The following THSD7A variants were observed in gnomAD, a reference collection of about 807,000 sequenced individuals.
THSD7A encodes the protein thrombospondin type 1 domain containing 7A.
A neutral mutation model predicts 231.3 loss-of-function variants in THSD7A; 96 were observed. The ratio of observed to expected loss-of-function variants is 0.41; its 90% confidence interval spans 0.35 to 0.49. The LOEUF is 0.49. Among genes scored for constraint, THSD7A ranks in the 20% least tolerant of loss-of-function variants. The pLI, the probability that THSD7A is intolerant of heterozygous loss-of-function variation, is 0.05. For missense variants in THSD7A, 2,290 were observed against 2,070.2 expected, an observed-to-expected ratio of 1.11 and a Z score of -2.06; for synonymous variants, 940 against 743.3, an observed-to-expected ratio of 1.26 and a Z score of -4.30.
At chr7:11,476,364 A>AT (rs1203358754) in intron 7 of THSD7A, among the ~76,000 whole-genome samples, 3 of 133,750 alleles carry the variant, frequency 2.2e-5, no homozygotes, top group African/African-American at 8.4e-5. Flanking sequence ...CACACACACC[A>AT]TTTTTTTAAG....
intron 23 of THSD7A, among the ~76,000 whole-genome samples, chr7:11,391,248 A>G (rs566887932): frequency 1.8e-3 from 277 of 152,302 alleles, no homozygotes; most frequent in African/African-American, 6.5e-3. Context: ...AGTTTTATCT[A>G]TTAGCCCCTG....
intron 2 of THSD7A, among the ~76,000 whole-genome samples, chr7:11,633,308 T>C (rs1321614400): frequency 1.3e-5 from 2 of 152,166 alleles, no homozygotes; most frequent in Non-Finnish European, 2.9e-5. Context: ...TGTGTCCTAG[T>C]GTATGTGTAG....
intron 1 of THSD7A, among the ~76,000 whole-genome samples, chr7:11,643,512 A>G (rs771918919): frequency 1.2e-4 from 18 of 151,924 alleles, no homozygotes; most frequent in Admixed American, 7.2e-4. Context: ...GAAATTTTGG[A>G]TTGTGCTACC....
At chr7:11,483,132 T>C (rs1302692998) in intron 6 of THSD7A, among the ~76,000 whole-genome samples, 1 of 152,184 alleles carries the variant, frequency 6.6e-6, no homozygotes, top group Non-Finnish European at 1.5e-5. Flanking sequence ...TGACTCACCT[T>C]GCCATTCCTT....
At chr7:11,652,978 T>C (rs1186319714) in intron 1 of THSD7A, among the ~76,000 whole-genome samples, 1 of 152,024 alleles carries the variant, frequency 6.6e-6, no homozygotes, top group East Asian at 1.9e-4. Flanking sequence ...AAAAAGCGAA[T>C]TGAGGAATAG....
At chr7:11,651,486 A>ACTATCTATCAACTATCTATCTAT (rs373522018) in intron 1 of THSD7A, among the ~76,000 whole-genome samples, 134 of 149,776 alleles carry the variant, frequency 8.9e-4, no homozygotes, top group African/African-American at 3.1e-3. Flanking sequence ...CTATCTATCA[A>ACTATCTATCAACTATCTATCTAT]CTATCTATCT....
intron 7 of THSD7A, among the ~76,000 whole-genome samples, chr7:11,480,572 T>G (rs1786382924): frequency 6.6e-6 from 1 of 152,192 alleles, no homozygotes; most frequent in Non-Finnish European, 1.5e-5. Context: ...AGATACACTT[T>G]TTTTTTGGAG....
intron 4 of THSD7A, among the ~76,000 whole-genome samples, chr7:11,579,546 C>T (rs973645475): frequency 1.2e-4 from 19 of 152,182 alleles, no homozygotes; most frequent in African/African-American, 4.6e-4. Context: ...TATCCACCAT[C>T]TTTCTTTCAT....
At chr7:11,616,332 T>G (rs1028777322) in intron 2 of THSD7A, among the ~76,000 whole-genome samples, 1 of 152,158 alleles carries the variant, frequency 6.6e-6, no homozygotes. Flanking sequence ...CAGACTGTGG[T>G]GCTGACTTCA....
intron 1 of THSD7A, among the ~76,000 whole-genome samples, chr7:11,698,848 C>G (rs987783829): frequency 6.6e-6 from 1 of 151,246 alleles, no homozygotes; most frequent in Non-Finnish European, 1.5e-5. Context: ...TAAATAGTTA[C>G]GTAGAAGTGG....
At chr7:11,404,082 T>G (rs532928242) in intron 22 of THSD7A, among the ~76,000 whole-genome samples, 1 of 152,336 alleles carries the variant, frequency 6.6e-6, no homozygotes, top group African/African-American at 2.4e-5. Context: ...GTTTGCTCTA[T>G]GTTATCATGG....
intron 13 of THSD7A, among the ~76,000 whole-genome samples, chr7:11,435,215 C>A (rs889518958): frequency 8.6e-5 from 13 of 151,938 alleles, no homozygotes; most frequent in African/African-American, 2.7e-4. Flanking sequence ...TTACCAAGGG[C>A]GTTTCTTACA....
intron 1 of THSD7A, among the ~76,000 whole-genome samples, chr7:11,824,033 A>G (rs10273683): frequency 0.11 from 17,164 of 152,096 alleles, 1,363 homozygotes; most frequent in East Asian, 0.24. Context: ...TTCTACTGTG[A>G]CAACATTTAA....
In THSD7A at chr7:11,482,856, G is replaced by A. The variant is rs374301838; in HGVS notation, c.1823-874C>T. 7.2e-5 allele frequency among the ~76,000 whole-genome samples: 11 copies of A among 152,206 alleles called. No homozygotes were observed. In the East Asian group the frequency reaches 2.1e-3, roughly 29 times the overall value. ...ATGCGTGAAATGAGATATATAAAAG[G>A]CCAATGAGAAACAAAACATTGTTGC... On this transcript the variant is annotated intron_variant, in intron 6 of 27. Transcript: ENST00000423059.
At chr7:11,609,054 T>C (rs1176032818) in intron 2 of THSD7A, among the ~76,000 whole-genome samples, 1 of 152,182 alleles carries the variant, frequency 6.6e-6, no homozygotes, top group Non-Finnish European at 1.5e-5. Flanking sequence ...TAAACTGCCG[T>C]TGTTCTCTAA....
At chr7:11,413,169 A>G (rs1164066479) in intron 17 of THSD7A, among the ~76,000 whole-genome samples, 1 of 152,002 alleles carries the variant, frequency 6.6e-6, no homozygotes, top group Non-Finnish European at 1.5e-5. Context: ...GGGCCTTAAA[A>G]GACATTTTAA....
chr7:11,566,405 A>G (rs1790327028), intron 4 of THSD7A, among the ~76,000 whole-genome samples: 1 of 152,222 alleles, frequency 6.6e-6, no homozygotes, highest in African/African-American at 2.4e-5. Context: ...ATCCAGAAAT[A>G]TAAACTAGGG....
intron 1 of THSD7A, among the ~76,000 whole-genome samples, chr7:11,826,516 T>C (rs1785031532): frequency 6.6e-6 from 1 of 152,148 alleles, no homozygotes; most frequent in Non-Finnish European, 1.5e-5. Context: ...ATAGAAACAA[T>C]CTCATATGCT....
At chr7:11,598,058 A>G (rs1312207399) in intron 2 of THSD7A, among the ~76,000 whole-genome samples, 1 of 152,134 alleles carries the variant, frequency 6.6e-6, no homozygotes, top group African/African-American at 2.4e-5. Flanking sequence ...TTTCTAGGAC[A>G]CCCCTCAAGG....
Sources: gnomAD v4.1 joint callset for allele counts (sites outside exome capture counted in the v4.1 genomes callset) on GRCh38, gnomAD v4.1.1 for gene constraint, MANE v1.5 for transcripts, NCBI Gene and HGNC (gene_info 2026-07-23, HGNC 2026-07-21) for gene names.